The following DSCAM variants were observed in gnomAD, a reference collection of about 807,000 sequenced individuals.
DSCAM encodes the protein cell adhesion molecule DSCAM.
DSCAM carries 47 observed loss-of-function variants against 217.7 expected under a neutral mutation model. The observed-to-expected ratio is 0.22, with a 90% CI of 0.17 to 0.28. DSCAM has a LOEUF of 0.28. DSCAM is among the 10% of genes least tolerant of loss of function. DSCAM has a pLI of 1.00. For missense variants in DSCAM, 2,080 were observed against 2,618.3 expected (o/e 0.79, Z 4.49); for synonymous variants, 1,056 against 1,015.3 (o/e 1.04, Z -0.76).
intron 32 of DSCAM, among the ~76,000 whole-genome samples, chr21:40,025,690 T>C (rs1378165443): frequency 6.6e-6 from 1 of 151,118 alleles, no homozygotes; most frequent in African/African-American, 2.4e-5. Context: ...TGATGGTAGT[T>C]TGTATTTCTG....
At chr21:40,287,914 G>C (rs1382073520) in intron 10 of DSCAM, among the ~76,000 whole-genome samples, 1 of 152,164 alleles carries the variant, frequency 6.6e-6, no homozygotes, top group Non-Finnish European at 1.5e-5. Flanking sequence ...GGGAAATATG[G>C]AATTGGGGAA....
chr21:40,465,295 T>A (rs1302365433), intron 3 of DSCAM, among the ~76,000 whole-genome samples: 1 of 152,186 alleles, frequency 6.6e-6, no homozygotes, highest in Non-Finnish European at 1.5e-5. Context: ...CCTGCTTTTC[T>A]CTCTCCCCAC....
chr21:40,347,590 C>A, intron 6 of DSCAM, 80 bp downstream of exon 6: 1 of 1,580,154 alleles, frequency 6.3e-7, no homozygotes, highest in Non-Finnish European at 8.6e-7. Context: ...ATCAGCACTG[C>A]TTCACCCTGT....
chr21:40,444,785 C>T (rs767898377), intron 3 of DSCAM, among the ~76,000 whole-genome samples: 2 of 152,158 alleles, frequency 1.3e-5, no homozygotes, highest in African/African-American at 2.4e-5. Context: ...TGACTGTTCA[C>T]ACTGAACAAT....
intron 3 of DSCAM, among the ~76,000 whole-genome samples, chr21:40,569,133 G>A (rs1291029340): frequency 6.6e-6 from 1 of 152,204 alleles, no homozygotes; most frequent in Non-Finnish European, 1.5e-5. Context: ...TGGCCCCAGG[G>A]TGCCTTGCTG....
At chr21:40,703,333 T>C (rs994192647) in intron 2 of DSCAM, among the ~76,000 whole-genome samples, 3 of 152,126 alleles carry the variant, frequency 2.0e-5, no homozygotes, top group African/African-American at 7.2e-5. Flanking sequence ...CTGGGCAACA[T>C]AGCGAGATTC....
intron 3 of DSCAM, among the ~76,000 whole-genome samples, chr21:40,411,638 A>G (rs2075324298): frequency 6.6e-6 from 1 of 152,232 alleles, no homozygotes; most frequent in South Asian, 2.1e-4. Flanking sequence ...TATAATAGCT[A>G]AAACCATTGA....
At chr21:40,354,824 G>T (rs1467300137) in intron 4 of DSCAM, among the ~76,000 whole-genome samples, 1 of 146,940 alleles carries the variant, frequency 6.8e-6, no homozygotes, top group African/African-American at 2.6e-5. Context: ...AGTCCGGCCT[G>T]GGTGAAAGAG....
intron 1 of DSCAM, among the ~76,000 whole-genome samples, chr21:40,770,333 A>G (rs768863687): frequency 6.6e-6 from 1 of 152,154 alleles, no homozygotes; most frequent in Non-Finnish European, 1.5e-5. Flanking sequence ...TTCTTTCTCT[A>G]TTGGCATCTC....
chr21:40,775,915 A>G (rs1206384749), intron 1 of DSCAM, among the ~76,000 whole-genome samples: 1 of 152,212 alleles, frequency 6.6e-6, no homozygotes, highest in Non-Finnish European at 1.5e-5. Context: ...GTTGTTCATC[A>G]TGGTATTTCA....
At position 40,832,526 on chromosome 21, in the gene DSCAM, T is replaced by C. The variant is rs2092020257; in HGVS notation, c.43+14093A>G. Among the ~76,000 whole-genome samples the C allele has an allele frequency of 2.6e-5, 4 of 152,186 alleles. No individual in the cohort carries two copies. The South Asian group carries it at 6.2e-4, about 24-fold the overall frequency. On this transcript the variant is annotated intron_variant, in intron 1 of 32. Coordinates refer to ENST00000400454, the MANE Select transcript of DSCAM (RefSeq NM_001389.5). ...TTACTCTCTCTATGAGTAATTCTTG[T>C]GGCCCAGGGGTTCTTAGGATGCGGG...
At chr21:40,649,554 T>G (rs971238160) in intron 3 of DSCAM, among the ~76,000 whole-genome samples, 3 of 152,360 alleles carry the variant, frequency 2.0e-5, no homozygotes, top group African/African-American at 7.2e-5. Context: ...GATACGCCTC[T>G]TTATGTGCTC....
intron 2 of DSCAM, among the ~76,000 whole-genome samples, chr21:40,694,990 G>A (rs2090580862): frequency 6.6e-6 from 1 of 152,166 alleles, no homozygotes; most frequent in African/African-American, 2.4e-5. Flanking sequence ...TCAACAGAGA[G>A]AGTCTACCGT....
At chr21:40,021,747 C>G (rs150053099) in intron 32 of DSCAM, among the ~76,000 whole-genome samples, 1 of 152,290 alleles carries the variant, frequency 6.6e-6, no homozygotes, top group Non-Finnish European at 1.5e-5. Context: ...CTCTCTTTCT[C>G]TAACCACTTT....
Position 40,270,799 on chromosome 21 carries a change from C to T in DSCAM, c.2356+5298G>A, listed in dbSNP as rs532688043. On this transcript the variant is annotated intron_variant, in intron 11 of 32. Coordinates refer to ENST00000400454, the MANE Select transcript of DSCAM (RefSeq NM_001389.5). ...GCTTGGGGCTGGGCTACTTCCTCCTCCAAGAAGTATCACAGAGCAATGCTA... is the reference window on the plus strand; with the variant it reads ...GCTTGGGGCTGGGCTACTTCCTCCTTCAAGAAGTATCACAGAGCAATGCTA... 3.3e-4 allele frequency among the ~76,000 whole-genome samples: 50 copies of T among 152,178 alleles called. 1 individual carries two copies. In the South Asian group the frequency reaches 9.2e-3, roughly 28 times the overall value.
chr21:40,335,745 G>T (rs989733532), intron 8 of DSCAM, among the ~76,000 whole-genome samples: 1 of 152,180 alleles, frequency 6.6e-6, no homozygotes, highest in Non-Finnish European at 1.5e-5. Context: ...TTTTCAAAAT[G>T]TAGCTCACAG....
chr21:40,828,116 G>A (rs1026270845), intron 1 of DSCAM, among the ~76,000 whole-genome samples: 22 of 152,204 alleles, frequency 1.4e-4, no homozygotes, highest in African/African-American at 4.6e-4. Flanking sequence ...TAAAATGCAA[G>A]GGCAGGACTG....
In DSCAM at chr21:40,823,346, T is replaced by C. The variant is rs566708407; in HGVS notation, c.43+23273A>G. On this transcript the variant is annotated intron_variant, in intron 1 of 32. Transcript: ENST00000400454. ...AAAAAGTGAGGCTGCAGATGTGAAA[T>C]ATGAAATGAATTGTAAATTATTTTG... Among the ~76,000 whole-genome samples the C allele has an allele frequency of 1.4e-4, 21 of 151,794 alleles. 1 individual carries two copies. The highest frequency in any genetic ancestry group is 3.4e-3 in the Middle Eastern group (1 of 294).
intron 29 of DSCAM, among the ~76,000 whole-genome samples, chr21:40,054,353 G>A (rs915271685): frequency 6.6e-6 from 1 of 152,208 alleles, no homozygotes; most frequent in Non-Finnish European, 1.5e-5. Flanking sequence ...TTTAAGTGCT[G>A]CTATGCCTGG....
Sources: allele counts gnomAD v4.1 joint callset (sites outside exome capture counted in the v4.1 genomes callset), GRCh38; gene constraint gnomAD v4.1.1; transcripts MANE v1.5; gene names NCBI Gene and HGNC (gene_info 2026-07-23, HGNC 2026-07-21).